The following PCDHGB4 variants were observed in gnomAD, a reference collection of about 807,000 sequenced individuals.
The protein encoded by PCDHGB4 is protocadherin gamma subfamily B, 4, also known as protocadherin gamma-B4.
Under a neutral mutation model 60.5 loss-of-function variants are expected in PCDHGB4, and 38 were observed. That is an observed-to-expected ratio of 0.63 (90% confidence interval 0.48 to 0.82). The LOEUF is 0.82. Among genes scored for constraint, PCDHGB4 ranks in the 40% least tolerant of loss-of-function variants. The pLI is 0.00. For missense variants in PCDHGB4, 1,109 were observed against 1,209.6 expected (o/e 0.92, Z 1.23); for synonymous variants, 456 against 509.7 (o/e 0.89, Z 1.42).
intron 1 of PCDHGB4, chr5:141,419,095 G>A (rs1478382101): frequency 1.2e-6 from 2 of 1,613,816 alleles, no homozygotes; most frequent in African/African-American, 2.7e-5. Context: ...CCCTGGATCG[G>A]GAGCAGACCC....
At position 141,505,908 on chromosome 5, in the gene PCDHGB4, T is replaced by C. The variant is rs114551975; in HGVS notation, c.2545+427T>C. On this transcript the variant is annotated intron_variant, in intron 3 of 3. Coordinates refer to ENST00000519479, the MANE Select transcript of PCDHGB4 (RefSeq NM_003736.4). ...TTAAATGAGATGATACCACAAAGCATAGAGTTCTGGGCCTGGCGCTTGGAA... is the reference window on the plus strand; with the variant it reads ...TTAAATGAGATGATACCACAAAGCACAGAGTTCTGGGCCTGGCGCTTGGAA... 4.0e-3 allele frequency among the ~76,000 whole-genome samples: 608 copies of C among 152,218 alleles called. 3 individuals are homozygous for C. The highest frequency in any genetic ancestry group is 0.013 in the African/African-American group (551 of 41,540).
At chr5:141,492,009 G>C in intron 1 of PCDHGB4, 1 of 617,702 alleles carries the variant, frequency 1.6e-6, no homozygotes, top group Non-Finnish European at 2.7e-6. Flanking sequence ...GATTTCCGCG[G>C]GTGTCGGGGG....
intron 1 of PCDHGB4, chr5:141,410,735 T>C: frequency 7.5e-7 from 1 of 1,336,188 alleles, no homozygotes; most frequent in Non-Finnish European, 1.0e-6. Context: ...CATAGCTTTT[T>C]ACAATATTTT....
intron 1 of PCDHGB4, chr5:141,419,113 C>A: frequency 6.2e-7 from 1 of 1,613,872 alleles, no homozygotes; most frequent in Non-Finnish European, 8.5e-7. Flanking sequence ...CCCCAGAGTA[C>A]AACGTCACCA....
In PCDHGB4 at chr5:141,477,868, C is replaced by A; in HGVS notation, c.2398-16939C>A. The A allele has an allele frequency of 6.2e-7, 1 of 1,613,750 alleles. No homozygotes were observed. Among genetic ancestry groups the A allele is most frequent in the Non-Finnish European group, 8.5e-7 (1 of 1,179,908 alleles). ...CGGTGGAGATGCTGCCTCGAGGTAC[C>A]TCAGCTGGCCACCTAGTGTCACGGG... On this transcript the variant is annotated intron_variant, in intron 1 of 3. Coordinates refer to ENST00000519479, the MANE Select transcript of PCDHGB4 (RefSeq NM_003736.4). The surrounding 1 kb of genome is among the most constrained non-coding windows in gnomAD (Gnocchi z 4.9).
At chr5:141,442,629 A>G (rs959326665) in intron 1 of PCDHGB4, among the ~76,000 whole-genome samples, 2 of 152,248 alleles carry the variant, frequency 1.3e-5, no homozygotes, top group African/African-American at 4.8e-5. Context: ...TTCTAGCAGC[A>G]AGACCAAAGG....
Position 141,413,313 on chromosome 5 carries a change from C to T in PCDHGB4, c.2397+23032C>T, listed in dbSNP as rs1346034749. The T allele has an allele frequency of 1.9e-6, 3 of 1,613,842 alleles. No homozygotes were observed. The African/African-American group carries it at 4.0e-5, about 22-fold the overall frequency. On this transcript the variant is annotated intron_variant, in intron 1 of 3. Transcript: ENST00000519479. The stretch of plus-strand genomic sequence containing the variant: ...CAATTCCTGAGGAATTAGAGAAAGG[C>T]TCTTTCGTGGGCAACATCTCCAAGG...
chr5:141,472,602 T>A (rs1032061805), intron 1 of PCDHGB4, among the ~76,000 whole-genome samples: 1 of 152,026 alleles, frequency 6.6e-6, no homozygotes, highest in South Asian at 2.1e-4. Context: ...CTTGAAATTA[T>A]AAAACAAAGA....
At chr5:141,459,891 CT>C (rs1405964049) in intron 1 of PCDHGB4, among the ~76,000 whole-genome samples, 1 of 152,158 alleles carries the variant, frequency 6.6e-6, no homozygotes, top group African/African-American at 2.4e-5. Flanking sequence ...TGAACGCCTT[CT>C]TAAAATTGAG....
intron 1 of PCDHGB4, chr5:141,397,913 G>C (rs1429104427): frequency 1.4e-6 from 1 of 691,886 alleles, no homozygotes; most frequent in African/African-American, 1.8e-5. Flanking sequence ...TGGCGCTCCA[G>C]ATCTCCTCGC....
chr5:141,415,739 G>A, intron 1 of PCDHGB4: 4 of 434,948 alleles, frequency 9.2e-6, no homozygotes, highest in Non-Finnish European at 1.3e-5. Context: ...TGTTTATTAA[G>A]GTTTTTTTTT....
intron 2 of PCDHGB4, among the ~76,000 whole-genome samples, chr5:141,499,149 A>G (rs1215155217): frequency 6.6e-6 from 1 of 152,084 alleles, no homozygotes; most frequent in African/African-American, 2.4e-5. Context: ...TCTGATCCCA[A>G]TAGCTGTTGT....
At chr5:141,444,626 A>G (rs542390437) in intron 1 of PCDHGB4, among the ~76,000 whole-genome samples, 74 of 152,288 alleles carry the variant, frequency 4.9e-4, no homozygotes, top group African/African-American at 1.7e-3. Flanking sequence ...GGCATGATGC[A>G]CCAGTTCATT....
chr5:141,485,735 G>C lies in PCDHGB4; in HGVS notation c.2398-9072G>C, dbSNP rs1562107417. ...ACTGGATGTGAAGAAGCGCAGCGAC[G>C]GCAGCCTGGTCCCAGAGCTGCTCCT... is the stretch of plus-strand genomic sequence containing the variant. On this transcript the variant is annotated intron_variant, in intron 1 of 3. Coordinates refer to ENST00000519479, the MANE Select transcript of PCDHGB4 (RefSeq NM_003736.4). This position sits in a 1 kb window ranked among gnomAD's most constrained non-coding sequence, Gnocchi z 5.7. 2.5e-6 allele frequency: 4 copies of C among 1,614,048 alleles called. No individual in the cohort carries two copies. The highest frequency in any genetic ancestry group is 3.4e-6 in the Non-Finnish European group (4 of 1,180,044).
At chr5:141,419,803 T>C (rs2096436352) in intron 1 of PCDHGB4, 3 of 1,614,026 alleles carry the variant, frequency 1.9e-6, no homozygotes, top group Non-Finnish European at 2.5e-6. Context: ...CTGTAAGAGA[T>C]GGAGGACAGC....
Position 141,430,120 on chromosome 5 carries a change from G to A in PCDHGB4, c.2397+39839G>A, listed in dbSNP as rs73280905. Among the ~76,000 whole-genome samples, 1,257 of 152,134 alleles carry A rather than the reference G, an allele frequency of 8.3e-3. 17 individuals are homozygous for A. Among genetic ancestry groups the A allele is most frequent in the African/African-American group, 0.029 (1,193 of 41,506 alleles). Reference sequence around the variant, plus strand: ...TTAAGCGTTACATGTCAACAACCTGGTAAAGTAATCCTTCCATTCAGGATC... The same window carrying A: ...TTAAGCGTTACATGTCAACAACCTGATAAAGTAATCCTTCCATTCAGGATC... On this transcript the variant is annotated intron_variant, in intron 1 of 3. Coordinates refer to ENST00000519479, the MANE Select transcript of PCDHGB4 (RefSeq NM_003736.4).
Position 141,422,740 on chromosome 5 carries a change from T to C in PCDHGB4, c.2397+32459T>C, listed in dbSNP as rs536737009. The C allele has an allele frequency of 2.7e-5, 43 of 1,609,962 alleles. 1 individual carries two copies. In the South Asian group the frequency reaches 4.8e-4, roughly 18 times the overall value. On this transcript the variant is annotated intron_variant, in intron 1 of 3. Transcript: ENST00000519479. ...TGTCCAGGGGGTGCCTCTGTCCTCC[T>C]ATGTCTCTATTAACTCCAACACTGG... is the stretch of plus-strand genomic sequence containing the variant.
intron 1 of PCDHGB4, among the ~76,000 whole-genome samples, chr5:141,460,317 A>G (rs1045494740): frequency 4.6e-5 from 7 of 152,260 alleles, no homozygotes; most frequent in African/African-American, 1.7e-4. Flanking sequence ...CTCCTTGCCT[A>G]CTGAAAACTT....
Position 141,408,151 on chromosome 5 carries a change from T to G in PCDHGB4, c.2397+17870T>G, listed in dbSNP as rs2154539780. ...CGAATGCTCTTTTAGCGCGGTAGAG[T>G]GCACTTTCTCCAACTGGAAAAGCGG... On this transcript the variant is annotated intron_variant, in intron 1 of 3. Transcript: ENST00000519479. 3.3e-6 allele frequency: 5 copies of G among 1,506,938 alleles called. No individual in the cohort carries two copies. In the East Asian group the frequency reaches 1.2e-4, roughly 37 times the overall value. 93.3% of individuals were successfully genotyped at this position (1,506,938 alleles called of 1,614,324 possible). A position where few individuals can be genotyped will look rare whatever the true frequency, so the allele number is the denominator to read the frequency against.
Sources: gnomAD v4.1 joint callset for allele counts (sites outside exome capture counted in the v4.1 genomes callset) on GRCh38, gnomAD v4.1.1 for gene constraint, Gnocchi (gnomAD v3.1) non-coding constraint, MANE v1.5 for transcripts, NCBI Gene and HGNC (gene_info 2026-07-23, HGNC 2026-07-21) for gene names.